FHIT: variants seen among roughly 807,000 people sequenced by gnomAD.
The protein encoded by FHIT is bis(5'-adenosyl)-triphosphatase.
A neutral mutation model predicts 17.9 loss-of-function variants in FHIT; 19 were observed. The observed-to-expected ratio is 1.06, with a 90% CI of 0.74 to 1.56. The LOEUF (loss-of-function observed/expected upper bound fraction) is 1.56, where lower values mean the gene tolerates loss of function less well. FHIT is among the 40% of genes most tolerant of loss of function. FHIT has a pLI of 0.00. For synonymous variants in FHIT, 81 were observed against 69.7 expected (o/e 1.16, Z -0.81); for missense variants, 248 against 189.2 (o/e 1.31, Z -1.82).
At chr3:59,859,883 G>A (rs1355148339) in intron 8 of FHIT, among the ~76,000 whole-genome samples, 1 of 152,158 alleles carries the variant, frequency 6.6e-6, no homozygotes, top group African/African-American at 2.4e-5. Flanking sequence ...TGGACTGAAT[G>A]GTAGTGCTGT....
intron 5 of FHIT, among the ~76,000 whole-genome samples, chr3:60,252,827 T>TA (rs11403324): frequency 0.34 from 51,151 of 148,988 alleles, 9,712 homozygotes; most frequent in African/African-American, 0.5. Context: ...CTTCTCAACT[T>TA]AAAAAAAAAT....
intron 2 of FHIT, among the ~76,000 whole-genome samples, chr3:61,194,288 A>G (rs1198053585): frequency 2.6e-5 from 4 of 152,062 alleles, no homozygotes; most frequent in Non-Finnish European, 4.4e-5. Context: ...TAAGGGGAGG[A>G]AGAGAAGTAG....
At chr3:60,747,500 A>G (rs1325934679) in intron 4 of FHIT, among the ~76,000 whole-genome samples, 2 of 152,268 alleles carry the variant, frequency 1.3e-5, no homozygotes, top group African/African-American at 2.4e-5. Context: ...AAATAAAAAA[A>G]TACAATACTT....
At chr3:60,411,487 C>G (rs538700793) in intron 5 of FHIT, among the ~76,000 whole-genome samples, 1 of 152,222 alleles carries the variant, frequency 6.6e-6, no homozygotes, top group African/African-American at 2.4e-5. Flanking sequence ...AACTGCCAAA[C>G]GTTGTAGGGT....
chr3:60,828,357 ATTT>A (rs1553741579), intron 3 of FHIT, among the ~76,000 whole-genome samples: 3 of 152,000 alleles, frequency 2.0e-5, no homozygotes, highest in African/African-American at 7.3e-5. Context: ...CCATTATTCA[ATTT>A]TCCTTCAACG....
chr3:60,485,223 A>G (rs938678091), intron 5 of FHIT, among the ~76,000 whole-genome samples: 1 of 152,184 alleles, frequency 6.6e-6, no homozygotes, highest in Admixed American at 6.5e-5. Context: ...AATTAATTCA[A>G]CCTCTGTGGG....
chr3:60,127,738 C>G (rs946701412), intron 5 of FHIT, among the ~76,000 whole-genome samples: 2 of 152,062 alleles, frequency 1.3e-5, no homozygotes, highest in African/African-American at 4.8e-5. Context: ...GTAGCTAGCA[C>G]TATTGGCGTG....
chr3:60,853,503 G>T (rs1553749046), intron 3 of FHIT, among the ~76,000 whole-genome samples: 1 of 151,974 alleles, frequency 6.6e-6, no homozygotes, highest in Non-Finnish European at 1.5e-5. Context: ...CAAACCTTGG[G>T]TGAAGCCACT....
intron 1 of FHIT, among the ~76,000 whole-genome samples, chr3:61,249,796 G>T (rs1047725031): frequency 6.6e-6 from 1 of 152,064 alleles, no homozygotes; most frequent in African/African-American, 2.4e-5. Context: ...GGGAAATGTA[G>T]TATTAAAAAG....
At chr3:59,987,052 TATAAA>T (rs1709009389) in intron 7 of FHIT, among the ~76,000 whole-genome samples, 1 of 105,102 alleles carries the variant, frequency 9.5e-6, no homozygotes, top group Admixed American at 9.8e-5. Flanking sequence ...TATATAAAAA[TATAAA>T]ATATATCTAT....
At chr3:60,194,739 T>C (rs1702547982) in intron 5 of FHIT, among the ~76,000 whole-genome samples, 1 of 151,412 alleles carries the variant, frequency 6.6e-6, no homozygotes, top group East Asian at 1.9e-4. Context: ...TCAGCAAGGA[T>C]AAAAAACAAA....
At chr3:59,954,917 T>C (rs1033884186) in intron 7 of FHIT, among the ~76,000 whole-genome samples, 6 of 152,208 alleles carry the variant, frequency 3.9e-5, no homozygotes, top group African/African-American at 1.4e-4. Flanking sequence ...TGAATTTAAA[T>C]GCCTACTCTT....
At chr3:60,666,379 T>C (rs782125282) in intron 4 of FHIT, among the ~76,000 whole-genome samples, 1 of 152,208 alleles carries the variant, frequency 6.6e-6, no homozygotes, top group Non-Finnish European at 1.5e-5. Flanking sequence ...GAATTTACAG[T>C]TGATAATTCT....
chr3:59,762,897 G>A (rs150423913), intron 8 of FHIT, among the ~76,000 whole-genome samples: 133 of 152,288 alleles, frequency 8.7e-4, no homozygotes, highest in African/African-American at 3.0e-3. Context: ...ATTTCCTCAG[G>A]CCTCTGTTTC....
intron 8 of FHIT, among the ~76,000 whole-genome samples, chr3:59,909,090 G>C (rs1041730384): frequency 4.6e-5 from 7 of 152,018 alleles, no homozygotes; most frequent in African/African-American, 9.7e-5. Flanking sequence ...ATGGAATGCA[G>C]TGGCACAGTC....
intron 5 of FHIT, among the ~76,000 whole-genome samples, chr3:60,318,667 G>A (rs373409259): frequency 1.3e-5 from 2 of 152,320 alleles, no homozygotes; most frequent in East Asian, 1.9e-4. Context: ...GTATAGTCCA[G>A]TTTGACTTCA....
At chr3:61,017,268 G>A (rs972760625) in intron 3 of FHIT, among the ~76,000 whole-genome samples, 2 of 152,124 alleles carry the variant, frequency 1.3e-5, no homozygotes, top group South Asian at 2.1e-4. Flanking sequence ...CAGCCTGGGC[G>A]ACAAGAGTGG....
intron 7 of FHIT, among the ~76,000 whole-genome samples, chr3:59,985,477 G>A (rs189450931): frequency 6.6e-6 from 1 of 152,076 alleles, no homozygotes; most frequent in South Asian, 2.1e-4. Context: ...AAAAAATAAA[G>A]TGTAAGTAAG....
chr3:60,776,508 G>A (rs1251505872), intron 4 of FHIT, among the ~76,000 whole-genome samples: 3 of 152,174 alleles, frequency 2.0e-5, no homozygotes, highest in Non-Finnish European at 2.9e-5. Context: ...AAATAATGCA[G>A]GTCAGATGCA....
Sources: gnomAD v4.1 joint callset for allele counts (sites outside exome capture counted in the v4.1 genomes callset) on GRCh38, gnomAD v4.1.1 for gene constraint, MANE v1.5 for transcripts, NCBI Gene and HGNC (gene_info 2026-07-23, HGNC 2026-07-21) for gene names.